The following LANCL2 variants were observed in gnomAD, a reference collection of about 807,000 sequenced individuals.
The protein encoded by LANCL2 is lanC-like protein 2.
A neutral mutation model predicts 56.9 loss-of-function variants in LANCL2; 33 were observed. The ratio of observed to expected loss-of-function variants is 0.58; its 90% CI spans 0.44 to 0.78. LANCL2 has a LOEUF of 0.78. Ranked by LOEUF, LANCL2 falls within the 30% of genes least tolerant of loss-of-function variation. The pLI is 0.00. For synonymous variants in LANCL2, 233 were observed against 228.2 expected, an observed-to-expected ratio of 1.02 and a Z score of -0.19; for missense variants, 562 against 580.2, an observed-to-expected ratio of 0.97 and a Z score of 0.32.
chr7:55,390,530 C>T (rs1168152002), intron 1 of LANCL2, among the ~76,000 whole-genome samples: 3 of 152,140 alleles, frequency 2.0e-5, no homozygotes, highest in African/African-American at 7.2e-5. Flanking sequence ...CGCTTGAAGC[C>T]AGGAGGCAGA....
intron 1 of LANCL2, among the ~76,000 whole-genome samples, chr7:55,390,101 A>G (rs1203194104): frequency 6.6e-6 from 1 of 152,194 alleles, no homozygotes; most frequent in Non-Finnish European, 1.5e-5. Context: ...GAAACCTAAA[A>G]GTATTTTCTT....
chr7:55,403,623 G>C (rs1483944407), intron 5 of LANCL2, among the ~76,000 whole-genome samples: 1 of 140,614 alleles, frequency 7.1e-6, no homozygotes, highest in African/African-American at 2.7e-5. Context: ...CCAGGCTGGA[G>C]TGCAGTGGTG....
At chr7:55,426,833 G>A (rs115727080) in intron 7 of LANCL2, among the ~76,000 whole-genome samples, 184 of 152,334 alleles carry the variant, frequency 1.2e-3, no homozygotes, top group African/African-American at 4.3e-3. Flanking sequence ...CGAGCGGGGA[G>A]CAGCCAGATT....
Position 55,431,840 on chromosome 7 carries a change from CCAG to C in LANCL2, c.*524_*526del, listed in dbSNP as rs1436901242. 1 of 152,516 alleles carries C rather than the reference CCAG, an allele frequency of 6.6e-6. No homozygotes were observed. The highest frequency in any genetic ancestry group is 1.5e-5 in the Non-Finnish European group (1 of 68,274). The allele number at this position is 152,516 out of a possible 1,614,324, so 9.4% of individuals were successfully genotyped here. A position where few individuals can be genotyped will look rare whatever the true frequency, so the allele number is the denominator to read the frequency against. On this transcript the variant is annotated 3_prime_UTR_variant, in exon 9 of 9. Transcript: ENST00000254770. ...GCGACCACTCCAAGGACGGACAGGA[CCAG>C]CAGTTCTGCAGGGGCGTGCTGGGGT...
intron 5 of LANCL2, among the ~76,000 whole-genome samples, chr7:55,406,511 C>G (rs1790409071): frequency 1.3e-5 from 2 of 152,246 alleles, no homozygotes; most frequent in Middle Eastern, 3.4e-3. Flanking sequence ...AGGGTGAGCC[C>G]CACCTCTTAG....
intron 5 of LANCL2, among the ~76,000 whole-genome samples, chr7:55,407,500 GC>G: frequency 6.6e-6 from 1 of 152,228 alleles, no homozygotes; most frequent in East Asian, 1.9e-4. Context: ...ACTTGACTGA[GC>G]CCTGGTGCCC....
chr7:55,382,625 G>T (rs1304493839), intron 1 of LANCL2, among the ~76,000 whole-genome samples: 2 of 152,164 alleles, frequency 1.3e-5, no homozygotes, highest in Non-Finnish European at 2.9e-5. Context: ...AATCTTAGGG[G>T]TCACAGTGGG....
intron 7 of LANCL2, among the ~76,000 whole-genome samples, chr7:55,427,655 G>C (rs917442728): frequency 6.6e-6 from 1 of 152,184 alleles, no homozygotes; most frequent in African/African-American, 2.4e-5. Flanking sequence ...GAGCAGATTG[G>C]GAGGGGAAAA....
intron 1 of LANCL2, among the ~76,000 whole-genome samples, chr7:55,367,079 G>A (rs1194170816): frequency 6.6e-6 from 1 of 152,206 alleles, no homozygotes; most frequent in African/African-American, 2.4e-5. Context: ...TGTTTTTCAA[G>A]TGCTTTTAGC....
At chr7:55,402,840 G>A (rs1790356552) in intron 5 of LANCL2, among the ~76,000 whole-genome samples, 3 of 146,830 alleles carry the variant, frequency 2.0e-5, no homozygotes, top group Middle Eastern at 3.4e-3. Context: ...CATCCCAGAC[G>A]GGGCGGCAGG....
At chr7:55,381,830 T>C (rs978166547) in intron 1 of LANCL2, among the ~76,000 whole-genome samples, 10 of 152,228 alleles carry the variant, frequency 6.6e-5, no homozygotes, top group Non-Finnish European at 1.3e-4. Flanking sequence ...CAATGCGTTT[T>C]TAGAGCAGTG....
chr7:55,366,967 T>G (rs1291001675), intron 1 of LANCL2, among the ~76,000 whole-genome samples: 1 of 152,186 alleles, frequency 6.6e-6, no homozygotes, highest in South Asian at 2.1e-4. Context: ...CTTGCTCGGC[T>G]CTGGTGCCGA....
chr7:55,400,816 T>C (rs770791998), intron 4 of LANCL2, among the ~76,000 whole-genome samples: 3 of 152,212 alleles, frequency 2.0e-5, no homozygotes, highest in Non-Finnish European at 4.4e-5. Context: ...CCTTTCCTGA[T>C]AGGTGTATGT....
At chr7:55,393,871 A>C (rs1283019395) in intron 2 of LANCL2, among the ~76,000 whole-genome samples, 2 of 152,244 alleles carry the variant, frequency 1.3e-5, no homozygotes, top group Non-Finnish European at 2.9e-5. Context: ...AATTGTGGCT[A>C]ACCTGAAGTA....
chr7:55,392,843 C>G lies in LANCL2; in HGVS notation c.322+933C>G, dbSNP rs79687312. ...GTGTAACTATTAAGAGCAAACTTTC[C>G]CTAGGGTCAGTTTTAAAGGATTCTT... On this transcript the variant is annotated intron_variant, in intron 2 of 8. Coordinates refer to ENST00000254770, the MANE Select transcript of LANCL2 (RefSeq NM_018697.4). Among the ~76,000 whole-genome samples, 1,135 of 151,902 alleles carry G rather than the reference C, an allele frequency of 7.5e-3. 19 individuals are homozygous for G. Among genetic ancestry groups the G allele is most frequent in the African/African-American group, 0.026 (1,075 of 41,408 alleles).
At chr7:55,388,040 A>G (rs1269263371) in intron 1 of LANCL2, among the ~76,000 whole-genome samples, 1 of 152,230 alleles carries the variant, frequency 6.6e-6, no homozygotes, top group African/African-American at 2.4e-5. Context: ...AGCTTTAGAA[A>G]ATTCTACATA....
chr7:55,414,497 A>G (rs1224102416), intron 6 of LANCL2, among the ~76,000 whole-genome samples: 1 of 152,234 alleles, frequency 6.6e-6, no homozygotes, highest in Non-Finnish European at 1.5e-5. Flanking sequence ...GTGTTCAAGT[A>G]CTTGAAAAAA....
At chr7:55,401,515 CT>C (rs58005456) in intron 5 of LANCL2, among the ~76,000 whole-genome samples, 195 bp downstream of exon 5, 7,714 of 57,504 alleles carry the variant, frequency 0.13, 272 homozygotes, top group Non-Finnish European at 0.16. Flanking sequence ...GGTATGGAGT[CT>C]TTTTTTTTTT....
intron 1 of LANCL2, among the ~76,000 whole-genome samples, chr7:55,371,102 T>G (rs971518181): frequency 6.6e-6 from 1 of 152,238 alleles, no homozygotes; most frequent in Admixed American, 6.5e-5. Flanking sequence ...GTAGTTTTCA[T>G]GTTGTGCCTT....
Sources: allele counts gnomAD v4.1 joint callset (sites outside exome capture counted in the v4.1 genomes callset), GRCh38; gene constraint gnomAD v4.1.1; transcripts MANE v1.5; gene names NCBI Gene and HGNC (gene_info 2026-07-23, HGNC 2026-07-21).